The following NLGN1 variants were observed in gnomAD, a reference collection of about 807,000 sequenced individuals.
NLGN1 encodes neuroligin-1.
In NLGN1, 12 loss-of-function variants were observed where a neutral mutation model predicts 65.5. The ratio of observed to expected loss-of-function variants is 0.18; its 90% CI spans 0.12 to 0.30. NLGN1 has a LOEUF of 0.30. Among genes scored for constraint, NLGN1 ranks in the 10% least tolerant of loss-of-function variants. The pLI, the probability that NLGN1 is intolerant of heterozygous loss-of-function variation, is 1.00. For synonymous variants in NLGN1, 350 were observed against 359.5 expected (o/e 0.97, Z 0.30); for missense variants, 750 against 1,007.1 (o/e 0.74, Z 3.46).
chr3:173,994,159 G>A (rs1182733343), intron 4 of NLGN1, among the ~76,000 whole-genome samples: 1 of 152,056 alleles, frequency 6.6e-6, no homozygotes, highest in East Asian at 1.9e-4. Context: ...CCAGGTTGGA[G>A]TGCAGTGGCG....
At chr3:174,128,128 A>G (rs184602073) in intron 4 of NLGN1, among the ~76,000 whole-genome samples, 1 of 152,136 alleles carries the variant, frequency 6.6e-6, no homozygotes, top group Admixed American at 6.5e-5. Flanking sequence ...TTTCCAATAC[A>G]TAAGAGGAAT....
At chr3:173,450,487 C>G (rs1192438057) in intron 2 of NLGN1, among the ~76,000 whole-genome samples, 2 of 152,050 alleles carry the variant, frequency 1.3e-5, no homozygotes, top group Non-Finnish European at 2.9e-5. Context: ...CTCGGGCTGC[C>G]CTTAACATTT....
chr3:174,275,409 C>T (rs761909514), exon 5 of NLGN1: 26 of 1,612,376 alleles, frequency 1.6e-5, no homozygotes, highest in Non-Finnish European at 2.1e-5. Flanking sequence ...ACATTGGATT[C>T]TTTGGTGGTG....
rs113109960 is a variant in NLGN1, at chr3:173,584,010, T to C, written c.-320-20269T>C. 4.2e-3 allele frequency among the ~76,000 whole-genome samples: 637 copies of C among 151,596 alleles called. 5 individuals are homozygous for C. The highest frequency in any genetic ancestry group is 6.4e-3 in the Non-Finnish European group (437 of 67,930). ...AGAAACAAATACAATTGCTTTGAAA[T>C]CACCGAATTGCCTCAAATTGGCATT... On this transcript the variant is annotated intron_variant, in intron 2 of 6. Coordinates refer to ENST00000457714, the Ensembl canonical transcript of NLGN1.
Position 174,065,307 on chromosome 3 carries a change from CAGAG to C in NLGN1, c.647-210004_647-210001del, listed in dbSNP as rs113250108. On this transcript the variant is annotated intron_variant, in intron 4 of 6. Coordinates refer to ENST00000457714, the Ensembl canonical transcript of NLGN1. ...TGTGTGTTTCTGTGAGAGAGGGAAA[CAGAG>C]AGACAGAGAGAAAGAGACAGATTAA... 5.9e-3 allele frequency among the ~76,000 whole-genome samples: 893 copies of C among 151,968 alleles called. 5 individuals carry two copies. Among genetic ancestry groups the C allele is most frequent in the Middle Eastern group, 0.048 (14 of 294 alleles).
chr3:173,865,226 T>C (rs1729899364), intron 4 of NLGN1, among the ~76,000 whole-genome samples: 1 of 152,172 alleles, frequency 6.6e-6, no homozygotes, highest in African/African-American at 2.4e-5. Context: ...TGTTTTATGT[T>C]TATTTCACTG....
intron 4 of NLGN1, among the ~76,000 whole-genome samples, chr3:174,109,186 C>G (rs1714654979): frequency 6.6e-6 from 1 of 151,906 alleles, no homozygotes; most frequent in Admixed American, 6.6e-5. Context: ...ATAATGCAAT[C>G]TAAAACAAGT....
chr3:174,026,128 T>C (rs1728779391), intron 4 of NLGN1, among the ~76,000 whole-genome samples: 2 of 152,134 alleles, frequency 1.3e-5, no homozygotes, highest in Admixed American at 1.3e-4. Context: ...TTTTATTTTT[T>C]ATTTTTATTT....
At chr3:173,790,790 C>A (rs1712545425) in intron 3 of NLGN1, among the ~76,000 whole-genome samples, 1 of 152,050 alleles carries the variant, frequency 6.6e-6, no homozygotes, top group African/African-American at 2.4e-5. Context: ...CTATGCTAAT[C>A]CCTGTAGGAG....
At chr3:173,738,948 T>TTTTAATC (rs772547964) in intron 3 of NLGN1, among the ~76,000 whole-genome samples, 20 of 152,024 alleles carry the variant, frequency 1.3e-4, no homozygotes, top group Non-Finnish European at 2.5e-4. Context: ...TGAAACCCCC[T>TTTTAATC]TGCAGATTAA....
chr3:173,625,859 AG>A (rs573973088), intron 3 of NLGN1, among the ~76,000 whole-genome samples: 6 of 152,234 alleles, frequency 3.9e-5, no homozygotes, highest in African/African-American at 1.4e-4. Context: ...TGAAGAGCTC[AG>A]TATAAAATTG....
chr3:174,253,933 G>A (rs1392666279), intron 4 of NLGN1, among the ~76,000 whole-genome samples: 1 of 152,106 alleles, frequency 6.6e-6, no homozygotes, highest in Non-Finnish European at 1.5e-5. Flanking sequence ...AATAGATTGG[G>A]GGCTTCAGAC....
intron 2 of NLGN1, among the ~76,000 whole-genome samples, chr3:173,501,744 A>G (rs1731160832): frequency 6.6e-6 from 1 of 151,660 alleles, no homozygotes; most frequent in African/African-American, 2.4e-5. Context: ...TTCTATTTTT[A>G]TGTTCAGTGT....
chr3:173,849,444 G>T (rs1726455840), intron 4 of NLGN1, among the ~76,000 whole-genome samples: 1 of 152,096 alleles, frequency 6.6e-6, no homozygotes, highest in Non-Finnish European at 1.5e-5. Context: ...CAAAACAAGA[G>T]ACTGCAGAGT....
intron 2 of NLGN1, among the ~76,000 whole-genome samples, chr3:173,529,960 C>T (rs543519327): frequency 2.1e-5 from 3 of 143,498 alleles, no homozygotes; most frequent in East Asian, 3.9e-4. Context: ...GGAACACTTT[C>T]TTTTCCTTTT....
chr3:173,497,864 T>C (rs911812758), intron 2 of NLGN1, among the ~76,000 whole-genome samples: 1 of 151,926 alleles, frequency 6.6e-6, no homozygotes, highest in Non-Finnish European at 1.5e-5. Flanking sequence ...AAAAATAGTC[T>C]GCATAAACAA....
intron 2 of NLGN1, among the ~76,000 whole-genome samples, chr3:173,478,881 G>C (rs901508015): frequency 6.6e-6 from 1 of 151,398 alleles, no homozygotes; most frequent in African/African-American, 2.4e-5. Flanking sequence ...GACAGAGCAA[G>C]ACCGTGTCTC....
intron 1 of NLGN1, among the ~76,000 whole-genome samples, chr3:173,414,854 A>G (rs907055194): frequency 2.6e-5 from 4 of 152,180 alleles, no homozygotes; most frequent in Non-Finnish European, 5.9e-5. Flanking sequence ...AATGACAGAC[A>G]ATAGGAATCA....
intron 1 of NLGN1, among the ~76,000 whole-genome samples, chr3:173,402,555 T>G (rs1429502332): frequency 1.3e-5 from 2 of 152,146 alleles, no homozygotes; most frequent in Non-Finnish European, 2.9e-5. Flanking sequence ...CAGGGTTGAC[T>G]AACTTAGGAG....
Sources: gnomAD v4.1 joint callset for allele counts (sites outside exome capture counted in the v4.1 genomes callset) on GRCh38, gnomAD v4.1.1 for gene constraint, MANE v1.5 for transcripts, NCBI Gene and HGNC (gene_info 2026-07-23, HGNC 2026-07-21) for gene names.